Variants in PCNP observed in about 807,000 individuals in gnomAD.
PCNP encodes PEST proteolytic signal containing nuclear protein.
A neutral mutation model predicts 21.8 loss-of-function variants in PCNP; 6 were observed. The observed-to-expected ratio is 0.28, with a 90% CI of 0.15 to 0.54. PCNP has a LOEUF of 0.54. PCNP is among the 20% of genes least tolerant of loss of function. PCNP has a pLI of 0.95. For missense variants in PCNP, 161 were observed against 215.5 expected (o/e 0.75, Z 1.58); for synonymous variants, 67 against 73.2 (o/e 0.92, Z 0.43).
chr3:101,575,815 G>A (rs3804777), intron 1 of PCNP, among the ~76,000 whole-genome samples: 62,213 of 151,928 alleles, frequency 0.41, 13,349 homozygotes, highest in Non-Finnish European at 0.48. Flanking sequence ...TCAGTTGAGG[G>A]TTATTAGTTC....
At chr3:101,588,352 T>G (rs1395928229) in intron 3 of PCNP, among the ~76,000 whole-genome samples, 1 of 152,166 alleles carries the variant, frequency 6.6e-6, no homozygotes, top group Non-Finnish European at 1.5e-5. Flanking sequence ...GTCTTCCTGT[T>G]TCTTGTTCTT....
Position 101,592,739 on chromosome 3 carries a change from G to A in PCNP, c.523G>A (p.Asp175Asn), listed in dbSNP as rs755491322. 1 of 1,612,320 alleles carries A rather than the reference G, an allele frequency of 6.2e-7. No homozygotes were observed. The highest frequency in any genetic ancestry group is 1.1e-5 in the South Asian group (1 of 90,730). Reference sequence around the variant, plus strand: ...AAAATCTCATCTTGGAAATGTCCATGACCAAGACAATTAAATGATGTTTTG... The same window carrying A: ...AAAATCTCATCTTGGAAATGTCCATAACCAAGACAATTAAATGATGTTTTG... Reference protein sequence around the residue: ...NIKSHLGNVHDQDN With the variant: ...NIKSHLGNVHNQDN Residue 175 changes from aspartate to asparagine, a missense_variant, in exon 5 of 5, where the codon GAC (aspartate) becomes AAC (asparagine). Transcript: ENST00000265260.
At chr3:101,592,195 A>G (rs970568593) in intron 4 of PCNP, among the ~76,000 whole-genome samples, 3 of 150,220 alleles carry the variant, frequency 2.0e-5, no homozygotes, top group African/African-American at 4.9e-5. Context: ...GTTTTTTGTG[A>G]CAGAGTCTTG....
At chr3:101,586,571 T>TGTGTGTGTGTGAGA in intron 3 of PCNP, among the ~76,000 whole-genome samples, 24 of 114,204 alleles carry the variant, frequency 2.1e-4, no homozygotes, top group African/African-American at 7.3e-4. Flanking sequence ...TGTGTGTGTG[T>TGTGTGTGTGTGAGA]GAGAGAGAGA....
intron 3 of PCNP, among the ~76,000 whole-genome samples, chr3:101,585,760 G>C (rs1357118545): frequency 6.6e-6 from 1 of 152,144 alleles, no homozygotes; most frequent in Non-Finnish European, 1.5e-5. Flanking sequence ...ATTATGAGTA[G>C]TTTGTGCTAG....
At chr3:101,584,229 T>G (rs55974517) in intron 2 of PCNP, among the ~76,000 whole-genome samples, 9,332 of 152,182 alleles carry the variant, frequency 0.061, 563 homozygotes, top group East Asian at 0.18. Context: ...GATTAGGTAG[T>G]TAAAACTAGG....
intron 1 of PCNP, among the ~76,000 whole-genome samples, chr3:101,576,296 G>A (rs1307437215): frequency 2.7e-5 from 4 of 149,742 alleles, no homozygotes; most frequent in East Asian, 2.0e-4. Context: ...ATGCAGTGGC[G>A]TGACCTGGGC....
intron 3 of PCNP, among the ~76,000 whole-genome samples, chr3:101,588,864 C>T (rs1422337704): frequency 1.3e-5 from 2 of 152,176 alleles, no homozygotes; most frequent in Non-Finnish European, 2.9e-5. Flanking sequence ...TCAATATGCC[C>T]CATCACTAAA....
intron 4 of PCNP, 25 bp from the exon 5 acceptor site, chr3:101,592,602 A>G (rs1210031092): frequency 1.3e-6 from 2 of 1,568,254 alleles, no homozygotes; most frequent in African/African-American, 2.8e-5. Context: ...AACATTTTAA[A>G]TAAATTTTCT....
In PCNP at chr3:101,578,702, C is replaced by T. The variant is rs908976784; in HGVS notation, c.65-1088C>T. On this transcript the variant is annotated intron_variant, in intron 1 of 4. Transcript: ENST00000265260. ...TAGATCTATATCTATAGCCTCTGAT[C>T]TTTTAATCCTTTACTTGTCAGTCTG... is the stretch of plus-strand genomic sequence containing the variant. Among the ~76,000 whole-genome samples the T allele has an allele frequency of 2.0e-5, 3 of 152,184 alleles. No individual in the cohort carries two copies. In the South Asian group the frequency reaches 6.2e-4, roughly 32 times the overall value.
intron 1 of PCNP, among the ~76,000 whole-genome samples, chr3:101,577,263 T>C (rs1419586054): frequency 1.3e-5 from 2 of 152,192 alleles, no homozygotes; most frequent in South Asian, 4.1e-4. Context: ...GGAGAAATAA[T>C]GTTAAGAAAA....
At chr3:101,587,072 GA>G (rs1308567736) in intron 3 of PCNP, among the ~76,000 whole-genome samples, 1 of 151,986 alleles carries the variant, frequency 6.6e-6, no homozygotes, top group Non-Finnish European at 1.5e-5. Flanking sequence ...TCAACATGGA[GA>G]AACCCCGTCT....
chr3:101,582,542 TGAA>T (rs1392319495), intron 2 of PCNP, among the ~76,000 whole-genome samples: 1 of 152,202 alleles, frequency 6.6e-6, no homozygotes, highest in Non-Finnish European at 1.5e-5. Context: ...ATTGATTATG[TGAA>T]GATAGTTAAT....
intron 3 of PCNP, among the ~76,000 whole-genome samples, chr3:101,586,571 T>TGAGAGA (rs1553771573): frequency 8.8e-6 from 1 of 114,142 alleles, no homozygotes; most frequent in African/African-American, 3.0e-5. Flanking sequence ...TGTGTGTGTG[T>TGAGAGA]GAGAGAGAGA....
At chr3:101,576,663 A>G (rs771150914) in intron 1 of PCNP, 52 of 1,611,898 alleles carry the variant, frequency 3.2e-5, no homozygotes, top group East Asian at 8.9e-5. Context: ...GGACCTGGCT[A>G]TATTTTCCAT....
chr3:101,589,410 C>CTTTTTTTT (rs35442732), intron 3 of PCNP, among the ~76,000 whole-genome samples: 1 of 146,044 alleles, frequency 6.8e-6, no homozygotes. Context: ...AATGAGCTCT[C>CTTTTTTTT]TTTTTTTTTT....
At chr3:101,586,452 A>G (rs1935510634) in intron 3 of PCNP, among the ~76,000 whole-genome samples, 1 of 151,934 alleles carries the variant, frequency 6.6e-6, no homozygotes, top group African/African-American at 2.4e-5. Context: ...ATTAAAACCT[A>G]ACCCCCACTC....
intron 2 of PCNP, among the ~76,000 whole-genome samples, chr3:101,581,945 G>T (rs1346432632): frequency 4.6e-5 from 7 of 151,464 alleles, no homozygotes; most frequent in Non-Finnish European, 5.9e-5. Flanking sequence ...TCTCCATGTT[G>T]GTCAGGCTGG....
At chr3:101,576,424 T>A (rs1934892184) in intron 1 of PCNP, 2 of 1,245,380 alleles carry the variant, frequency 1.6e-6, no homozygotes, top group African/African-American at 1.6e-5. Flanking sequence ...TATTTTTTAT[T>A]TTTTTTATTT....
Sources: gnomAD v4.1 joint callset for allele counts (sites outside exome capture counted in the v4.1 genomes callset) on GRCh38, gnomAD v4.1.1 for gene constraint, MANE v1.5 for transcripts, NCBI Gene and HGNC (gene_info 2026-07-23, HGNC 2026-07-21) for gene names.